Variants in DLGAP2 observed in about 807,000 individuals in gnomAD.
DLGAP2 encodes the protein DLG associated protein 2.
DLGAP2 carries 26 observed loss-of-function variants against 100.3 expected under a neutral mutation model. The observed-to-expected ratio is 0.26, with a 90% CI of 0.19 to 0.36. The LOEUF is 0.36. Among genes scored for constraint, DLGAP2 ranks in the 10% least tolerant of loss-of-function variants. The pLI is 1.00. For synonymous variants in DLGAP2, 886 were observed against 630.1 expected (o/e 1.41, Z -6.08); for missense variants, 1,858 against 1,453.2 (o/e 1.28, Z -4.53).
chr8:1,238,442 C>G (rs1309075276), intron 2 of DLGAP2, among the ~76,000 whole-genome samples: 1 of 132,584 alleles, frequency 7.5e-6, no homozygotes, highest in Non-Finnish European at 1.7e-5. Flanking sequence ...CTAGTTCTCT[C>G]ACATGGCGCC....
chr8:1,521,153 GC>G (rs1364920780), intron 4 of DLGAP2, among the ~76,000 whole-genome samples: 245 of 143,686 alleles, frequency 1.7e-3, no homozygotes, highest in African/African-American at 5.1e-3. Context: ...GAATACTTGG[GC>G]GGCAGGTGAT....
At chr8:1,132,192 G>T (rs1439057355) in intron 2 of DLGAP2, among the ~76,000 whole-genome samples, 1 of 152,196 alleles carries the variant, frequency 6.6e-6, no homozygotes, top group Non-Finnish European at 1.5e-5. Context: ...ACATAAATTT[G>T]TAGAAATAGA....
intron 3 of DLGAP2, among the ~76,000 whole-genome samples, chr8:1,284,262 A>C (rs741806): frequency 3.9e-5 from 6 of 152,012 alleles, no homozygotes; most frequent in Admixed American, 6.6e-5. Flanking sequence ...TTTTTTGTTA[A>C]TATGCTTTTG....
At chr8:1,255,128 CCCGGGCG>C (rs1799162256) in intron 2 of DLGAP2, among the ~76,000 whole-genome samples, 15 of 142,306 alleles carry the variant, frequency 1.1e-4, no homozygotes, top group African/African-American at 3.5e-4. Flanking sequence ...TCCTCTCCTG[CCCGGGCG>C]CTGAGTGTGT....
intron 3 of DLGAP2, among the ~76,000 whole-genome samples, chr8:1,373,019 C>T (rs1321241285): frequency 2.0e-5 from 3 of 152,154 alleles, no homozygotes; most frequent in African/African-American, 7.2e-5. Flanking sequence ...CATAGTTGAG[C>T]CGTCCTTGAA....
chr8:1,232,466 AG>A (rs1242107388), intron 2 of DLGAP2, among the ~76,000 whole-genome samples: 3 of 152,292 alleles, frequency 2.0e-5, no homozygotes, highest in African/African-American at 7.2e-5. Flanking sequence ...GGCTGTGATG[AG>A]GGGAGGATGC....
At chr8:1,546,400 C>G (rs570038486) in intron 4 of DLGAP2, among the ~76,000 whole-genome samples, 6 of 152,342 alleles carry the variant, frequency 3.9e-5, no homozygotes, top group African/African-American at 1.4e-4. Context: ...TGCATTCACA[C>G]CTGGGTGTGA....
chr8:1,550,320 C>T (rs1366069537), intron 5 of DLGAP2, among the ~76,000 whole-genome samples: 3 of 152,158 alleles, frequency 2.0e-5, no homozygotes, highest in Admixed American at 2.0e-4. Context: ...GCAGGGATGG[C>T]GGGACGTTAT....
At chr8:1,455,121 A>G (rs1034035228) in intron 3 of DLGAP2, among the ~76,000 whole-genome samples, 2 of 152,212 alleles carry the variant, frequency 1.3e-5, no homozygotes, top group African/African-American at 4.8e-5. Flanking sequence ...CAATGTAATG[A>G]GCTCATGGCA....
intron 3 of DLGAP2, among the ~76,000 whole-genome samples, chr8:1,492,761 G>C (rs752541354): frequency 1.3e-5 from 2 of 152,158 alleles, no homozygotes; most frequent in African/African-American, 2.4e-5. Flanking sequence ...CGACGCAGCC[G>C]ATTTTGCGTG....
At chr8:820,369 C>A (rs2132684806) in intron 1 of DLGAP2, among the ~76,000 whole-genome samples, 1 of 152,236 alleles carries the variant, frequency 6.6e-6, no homozygotes, top group East Asian at 1.9e-4. Flanking sequence ...TGAAACCCTT[C>A]TAAACTGTTG....
intron 3 of DLGAP2, among the ~76,000 whole-genome samples, chr8:1,408,272 C>T (rs1473931800): frequency 2.0e-5 from 3 of 152,368 alleles, no homozygotes; most frequent in East Asian, 1.9e-4. Context: ...ATTTCAGTTT[C>T]CCCTCTTGCT....
At chr8:1,558,577 C>T (rs1200214047) in intron 5 of DLGAP2, among the ~76,000 whole-genome samples, 2 of 151,836 alleles carry the variant, frequency 1.3e-5, no homozygotes, top group Non-Finnish European at 2.9e-5. Context: ...CACACACATA[C>T]ACACATAGGC....
At chr8:1,477,433 T>A (rs1798966634) in intron 3 of DLGAP2, among the ~76,000 whole-genome samples, 1 of 152,200 alleles carries the variant, frequency 6.6e-6, no homozygotes, top group Non-Finnish European at 1.5e-5. Flanking sequence ...CCGCTTTGCC[T>A]GTCCCTGCTG....
chr8:1,306,931 G>A (rs1447763316), intron 3 of DLGAP2, among the ~76,000 whole-genome samples: 1 of 151,916 alleles, frequency 6.6e-6, no homozygotes, highest in Non-Finnish European at 1.5e-5. Flanking sequence ...AGCTAAACCT[G>A]TAAGACTCTC....
At chr8:1,287,715 G>T (rs1799971970) in intron 3 of DLGAP2, among the ~76,000 whole-genome samples, 3 of 9,270 alleles carry the variant, frequency 3.2e-4, no homozygotes, top group Admixed American at 1.3e-3. Flanking sequence ...GTGTGTGTGT[G>T]TGTGTATGTG....
intron 2 of DLGAP2, among the ~76,000 whole-genome samples, chr8:1,205,825 T>C (rs1208607021): frequency 6.6e-6 from 1 of 152,116 alleles, no homozygotes; most frequent in Non-Finnish European, 1.5e-5. Context: ...TGAGTGAGAA[T>C]ACATCAAATC....
chr8:1,173,799 C>G (rs558784406), intron 2 of DLGAP2, among the ~76,000 whole-genome samples: 1 of 152,316 alleles, frequency 6.6e-6, no homozygotes, highest in African/African-American at 2.4e-5. Flanking sequence ...CTTTCTTTGA[C>G]TAGGAAAGGG....
chr8:1,135,169 A>G (rs1424185667), intron 2 of DLGAP2, among the ~76,000 whole-genome samples: 1 of 152,198 alleles, frequency 6.6e-6, no homozygotes, highest in African/African-American at 2.4e-5. Flanking sequence ...ACATAAAATT[A>G]CAAGTATAGG....
Sources: gnomAD v4.1 joint callset for allele counts (sites outside exome capture counted in the v4.1 genomes callset) on GRCh38, gnomAD v4.1.1 for gene constraint, MANE v1.5 for transcripts, NCBI Gene and HGNC (gene_info 2026-07-23, HGNC 2026-07-21) for gene names.